Variants in C2CD2 observed in about 807,000 individuals in gnomAD.
The protein encoded by C2CD2 is C2 domain-containing protein 2.
In C2CD2, 43 loss-of-function variants were observed where a neutral mutation model predicts 74.3. The ratio of observed to expected loss-of-function variants is 0.58; its 90% CI spans 0.45 to 0.75. The LOEUF is 0.75. C2CD2 is among the 30% of genes least tolerant of loss of function. The pLI is 0.00. For synonymous variants in C2CD2, 422 were observed against 390.7 expected (o/e 1.08, Z -0.94); for missense variants, 801 against 916.3 (o/e 0.87, Z 1.63).
chr21:41,942,827 T>C (rs1168363759), intron 1 of C2CD2: 1 of 275,126 alleles, frequency 3.6e-6, no homozygotes, highest in African/African-American at 2.3e-5. Flanking sequence ...CAAGATTCCT[T>C]GGCTGGAAAT....
chr21:41,927,893 C>A (rs1025009388), intron 2 of C2CD2, among the ~76,000 whole-genome samples: 3 of 152,168 alleles, frequency 2.0e-5, no homozygotes, highest in African/African-American at 4.8e-5. Flanking sequence ...CCACGTGGGG[C>A]TCCTGCGTCA....
At chr21:41,951,094 C>T (rs182179065) in intron 1 of C2CD2, among the ~76,000 whole-genome samples, 1 of 152,258 alleles carries the variant, frequency 6.6e-6, no homozygotes, top group East Asian at 1.9e-4. Context: ...CTCTCCCACA[C>T]CGCCATCACT....
chr21:41,890,519 G>C (rs1003557241), intron 13 of C2CD2, among the ~76,000 whole-genome samples: 1 of 152,238 alleles, frequency 6.6e-6, no homozygotes, highest in African/African-American at 2.4e-5. Context: ...TGGCAAGGTC[G>C]AGGGAGTAAG....
intron 7 of C2CD2, among the ~76,000 whole-genome samples, chr21:41,909,817 G>A (rs1447150185): frequency 1.4e-4 from 22 of 152,162 alleles, no homozygotes. Flanking sequence ...GAGGTGGCCA[G>A]TGCAAGCTGA....
intron 2 of C2CD2, among the ~76,000 whole-genome samples, chr21:41,938,446 G>A (rs1307340025): frequency 6.6e-6 from 1 of 152,084 alleles, no homozygotes; most frequent in African/African-American, 2.4e-5. Context: ...GCACAGTTCA[G>A]TGGCATTAAG....
At position 41,907,019 on chromosome 21, in the gene C2CD2, C is replaced by A; in HGVS notation, c.1291G>T (p.Val431Leu). Residue 431 changes from valine (V) to leucine (L), a missense_variant, in exon 10 of 14, where the codon GTG becomes TTG. Physicochemically the swap from Val to Leu is conservative, Grantham distance 32. Coordinates refer to ENST00000380486, the MANE Select transcript of C2CD2 (RefSeq NM_015500.2). ...GAGCTCAGCGGGGACGCCCTCCCCA[C>A]GTCGACGCGAGGCTTGGTCTTCACA... ...TAVKTKPRVD[V>L]GRASPLSSDS... 6.2e-7 allele frequency: 1 copy of A among 1,614,014 alleles called. No individual in the cohort carries two copies. Among genetic ancestry groups the A allele is most frequent in the Non-Finnish European group, 8.5e-7 (1 of 1,179,970 alleles).
chr21:41,897,700 C>T (rs2064840458), intron 13 of C2CD2, among the ~76,000 whole-genome samples: 1 of 152,166 alleles, frequency 6.6e-6, no homozygotes, highest in African/African-American at 2.4e-5. Flanking sequence ...TCTGCACTGG[C>T]AAGGAGGGGG....
intron 13 of C2CD2, among the ~76,000 whole-genome samples, chr21:41,890,900 T>C (rs2064745097): frequency 6.6e-6 from 1 of 152,218 alleles, no homozygotes. Flanking sequence ...AAGCAGGAAC[T>C]ACTGTGTCCC....
rs2064689181 is a variant in C2CD2, at chr21:41,886,769, G to A, written c.*2355C>T. 1 of 152,098 alleles carries A rather than the reference G, an allele frequency of 6.6e-6. No homozygotes were observed. Among genetic ancestry groups the A allele is most frequent in the Non-Finnish European group, 1.5e-5 (1 of 68,074 alleles). The allele number at this position is 152,098 out of a possible 1,614,324, so 9.4% of individuals were successfully genotyped here. On this transcript the variant is annotated 3_prime_UTR_variant, in exon 14 of 14. Coordinates refer to ENST00000380486, the MANE Select transcript of C2CD2 (RefSeq NM_015500.2). ...GGAGGCCAAGGTGGGTGGATCACCT[G>A]AGGTCAGGAGTTCGAGACCAGCCTG...
At chr21:41,936,881 C>T (rs1359219841) in intron 2 of C2CD2, among the ~76,000 whole-genome samples, 7 of 129,182 alleles carry the variant, frequency 5.4e-5, no homozygotes, top group East Asian at 2.3e-4. Context: ...TGCAATGGTG[C>T]GGTCTCGGCT....
At position 41,939,412 on chromosome 21, in the gene C2CD2, T is replaced by G. The variant is rs923971858; in HGVS notation, c.378+2735A>C. Among the ~76,000 whole-genome samples the G allele has an allele frequency of 2.6e-5, 4 of 152,058 alleles. No individual in the cohort carries two copies. Among genetic ancestry groups the G allele is most frequent in the African/African-American group, 9.7e-5 (4 of 41,406 alleles). On this transcript the variant is annotated intron_variant, in intron 2 of 13. Transcript: ENST00000380486. The surrounding 1 kb of genome is among the most constrained non-coding windows in gnomAD (Gnocchi z 5.5). ...CTGAACATTCCACTCCTCTCTGAAC[T>G]GGGAAAGTATCAAAAACACCATACA...
intron 2 of C2CD2, among the ~76,000 whole-genome samples, chr21:41,933,262 T>TTG (rs1337877630): frequency 7.2e-6 from 1 of 139,734 alleles, no homozygotes; most frequent in East Asian, 2.0e-4. Flanking sequence ...CTGTTACAGT[T>TTG]TTTTTTTTTC....
intron 9 of C2CD2, 97 bp downstream of exon 9, chr21:41,907,563 C>T (rs2064977505): frequency 1.5e-6 from 2 of 1,346,334 alleles, no homozygotes; most frequent in Admixed American, 2.5e-5. Context: ...TTATTTCACA[C>T]AGAGGCAGGA....
intron 3 of C2CD2, among the ~76,000 whole-genome samples, chr21:41,921,593 G>A (rs889949468): frequency 2.0e-5 from 3 of 152,280 alleles, no homozygotes; most frequent in African/African-American, 7.2e-5. Context: ...AATGCCCCAC[G>A]GCAGCCACTC....
intron 2 of C2CD2, among the ~76,000 whole-genome samples, chr21:41,940,429 G>A (rs1025332699): frequency 6.6e-5 from 10 of 152,216 alleles, no homozygotes; most frequent in South Asian, 2.1e-4. Context: ...ACAGGGATAC[G>A]TAAGAGGTGG....
intron 11 of C2CD2, among the ~76,000 whole-genome samples, chr21:41,905,240 T>C (rs893431638): frequency 1.3e-5 from 2 of 152,010 alleles, no homozygotes; most frequent in Non-Finnish European, 2.9e-5. Flanking sequence ...TGGTCTCTGA[T>C]CAATTTGGAG....
At chr21:41,949,210 G>A (rs1307306178) in intron 1 of C2CD2, among the ~76,000 whole-genome samples, 1 of 152,170 alleles carries the variant, frequency 6.6e-6, no homozygotes, top group African/African-American at 2.4e-5. Context: ...GGAGACTGTA[G>A]GACAGCAGTC....
rs61735797 is a variant in C2CD2 at position 41,922,002 on chromosome 21, G to A, written c.462C>T (p.Tyr154=). ...TPALGAGCRL[Y]DMRLSPFHLQ... ...AATGGAAAGGGGAGAGCCGCATGTC[G>A]TACAGCCGGCATCCAGCACCCAAGG... The change falls in exon 3 of 14, where the codon TAC becomes TAT. Residue 154 remains tyrosine, a synonymous_variant. Coordinates refer to ENST00000380486, the MANE Select transcript of C2CD2 (RefSeq NM_015500.2). The A allele has an allele frequency of 0.012, 19,511 of 1,613,216 alleles. 1,885 individuals are homozygous for A. In the African/African-American group the frequency reaches 0.22, roughly 18 times the overall value.
chr21:41,952,154 C>T (rs1972662848), intron 1 of C2CD2, among the ~76,000 whole-genome samples: 1 of 152,248 alleles, frequency 6.6e-6, no homozygotes, highest in African/African-American at 2.4e-5. Flanking sequence ...GGCACAGATT[C>T]TGGGCACCAG....
Sources: allele counts gnomAD v4.1 joint callset (sites outside exome capture counted in the v4.1 genomes callset), GRCh38; gene constraint gnomAD v4.1.1; non-coding constraint Gnocchi (gnomAD v3.1); transcripts MANE v1.5; gene names NCBI Gene and HGNC (gene_info 2026-07-23, HGNC 2026-07-21).